GPBP1: variants seen among roughly 807,000 people sequenced by gnomAD.
GPBP1 encodes the protein GC-rich promoter binding protein 1, also known as vasculin.
A neutral mutation model predicts 56.5 loss-of-function variants in GPBP1; 13 were observed. The observed-to-expected ratio is 0.23, with a 90% CI of 0.15 to 0.37. The LOEUF (loss-of-function observed/expected upper bound fraction) is 0.37. Ranked by LOEUF, GPBP1 falls within the 10% of genes least tolerant of loss-of-function variation. The probability of loss-of-function intolerance (pLI) is 1.00; values close to 1 mark genes in which losing one functional copy is unlikely to be tolerated. For synonymous variants in GPBP1, 204 were observed against 188.9 expected, an observed-to-expected ratio of 1.08 and a Z score of -0.66; for missense variants, 477 against 572.3, an observed-to-expected ratio of 0.83 and a Z score of 1.70.
chr5:57,192,242 T>G (rs1025896348), intron 2 of GPBP1, among the ~76,000 whole-genome samples: 2 of 152,172 alleles, frequency 1.3e-5, no homozygotes, highest in Admixed American at 6.5e-5. Flanking sequence ...ATTTTTTTCT[T>G]TTAACTTGAC....
At chr5:57,201,613 G>A (rs1198146863) in intron 2 of GPBP1, among the ~76,000 whole-genome samples, 1 of 152,104 alleles carries the variant, frequency 6.6e-6, no homozygotes, top group African/African-American at 2.4e-5. Flanking sequence ...GAAACACCTA[G>A]GGTAGCCGAC....
At chr5:57,241,823 GTCT>G (rs1421519142) in intron 6 of GPBP1, among the ~76,000 whole-genome samples, 7 of 152,108 alleles carry the variant, frequency 4.6e-5, no homozygotes, top group East Asian at 1.9e-4. Context: ...AACATTTGGG[GTCT>G]TCTTCATATA....
chr5:57,179,536 C>G (rs978761991), intron 2 of GPBP1, among the ~76,000 whole-genome samples: 1 of 152,176 alleles, frequency 6.6e-6, no homozygotes, highest in African/African-American at 2.4e-5. Context: ...TCACCCATAG[C>G]CTGTTTCCAC....
rs1459559190 is a variant in GPBP1, at chr5:57,176,264, A to G, written c.-194A>G. The G allele has an allele frequency of 5.5e-6, 2 of 364,520 alleles. No individual in the cohort carries two copies. The highest frequency in any genetic ancestry group is 4.0e-5 in the East Asian group (1 of 25,050). The allele number at this position is 364,520 out of a possible 1,614,324, so 22.6% of individuals were successfully genotyped here. The stretch of plus-strand genomic sequence containing the variant: ...TGGGTAGCTGACTTGAAGTAACTCT[A>G]TGTCAAATAGTCGTAGGTTAAGTAT... On this transcript the variant is annotated 5_prime_UTR_variant, in exon 2 of 12. The change abolishes an upstream ATG in the 5' untranslated region. Transcript: ENST00000506184.
chr5:57,241,064 C>A (rs1460429391), intron 6 of GPBP1, among the ~76,000 whole-genome samples: 2 of 152,104 alleles, frequency 1.3e-5, no homozygotes. Context: ...TTGTTCAAAT[C>A]CAATAAATGA....
rs750553429 is a variant in GPBP1 at position 57,214,080 on chromosome 5, G to A, written c.-51G>A. The A allele has an allele frequency of 2.0e-6, 3 of 1,468,416 alleles. No individual in the cohort carries two copies. Among genetic ancestry groups the A allele is most frequent in the Non-Finnish European group, 2.9e-6 (3 of 1,047,488 alleles). The allele number at this position is 1,468,416 out of a possible 1,614,324, so 91.0% of individuals were successfully genotyped here. A position where few individuals can be genotyped will look rare whatever the true frequency, so the allele number is the denominator to read the frequency against. On this transcript the variant is annotated 5_prime_UTR_variant, in exon 3 of 12. Coordinates refer to ENST00000506184, the MANE Select transcript of GPBP1 (RefSeq NM_022913.4). ...TTCCATTTTTATGTGACAGGGACTTGCCATGAGGTGTTGAAGCCTTGTTTC... is the reference window on the plus strand; with the variant it reads ...TTCCATTTTTATGTGACAGGGACTTACCATGAGGTGTTGAAGCCTTGTTTC...
chr5:57,197,621 A>G (rs1471042582), intron 2 of GPBP1, among the ~76,000 whole-genome samples: 1 of 152,024 alleles, frequency 6.6e-6, no homozygotes, highest in Non-Finnish European at 1.5e-5. Flanking sequence ...AGCCTCTCAA[A>G]GTGCTGGGAT....
chr5:57,235,993 G>C lies in GPBP1; in HGVS notation c.439G>C (p.Glu147Gln). The C allele has an allele frequency of 6.2e-7, 1 of 1,611,742 alleles. No individual in the cohort carries two copies. The highest frequency in any genetic ancestry group is 1.7e-5 in the Admixed American group (1 of 59,956). The change falls in exon 6 of 12, where the codon GAA (glutamate) becomes CAA (glutamine). Residue 147 changes from glutamate (E) to glutamine (Q), a missense_variant. Around this residue, in one of 2 missense-constraint regions of GPBP1, gnomAD observed 414 missense variants for 458.2 expected, o/e 0.90. Transcript: ENST00000506184. Reference sequence around the variant, plus strand: ...GTCTTTAAATCCTGAGTATGAGAGAGAACCAAATCACAATAAGTCTTTAGC... The same window carrying C: ...GTCTTTAAATCCTGAGTATGAGAGACAACCAAATCACAATAAGTCTTTAGC... Reference protein sequence around the residue: ...FPSLNPEYEREPNHNKSLAAG... With the variant: ...FPSLNPEYERQPNHNKSLAAG...
chr5:57,174,385 C>T (rs894020474), intron 1 of GPBP1, among the ~76,000 whole-genome samples, 174 bp downstream of exon 1: 3 of 151,912 alleles, frequency 2.0e-5, no homozygotes, highest in Non-Finnish European at 2.9e-5. Flanking sequence ...CGCAGATAGG[C>T]CCCTCTAGGT....
intron 10 of GPBP1, among the ~76,000 whole-genome samples, 193 bp from the exon 11 acceptor site, chr5:57,260,987 C>CTT (rs1319678646): frequency 8.5e-5 from 13 of 152,266 alleles, no homozygotes; most frequent in African/African-American, 2.6e-4. Context: ...ATTTTAATAT[C>CTT]AGTTTATTAA....
chr5:57,199,642 C>G (rs1754912434), intron 2 of GPBP1, among the ~76,000 whole-genome samples: 1 of 151,952 alleles, frequency 6.6e-6, no homozygotes, highest in Non-Finnish European at 1.5e-5. Context: ...TGTGCTGCAC[C>G]CATTAACTCG....
chr5:57,215,392 T>C (rs996315316), intron 3 of GPBP1, among the ~76,000 whole-genome samples: 4 of 152,212 alleles, frequency 2.6e-5, no homozygotes, highest in African/African-American at 9.6e-5. Context: ...TCCCCATCTT[T>C]CTGTAAAGCT....
Position 57,263,585 on chromosome 5 carries a change from ATAT to A in GPBP1, c.*835_*837del, listed in dbSNP as rs886963068. ...ATGGAAAATAAACTGGATTTTCAGA[ATAT>A]TGTTGTTTTCTGTAGTGTTCAAGGT... is the stretch of plus-strand genomic sequence containing the variant. On this transcript the variant is annotated 3_prime_UTR_variant, in exon 12 of 12. Coordinates refer to ENST00000506184, the MANE Select transcript of GPBP1 (RefSeq NM_022913.4). 6 of 152,314 alleles carry A rather than the reference ATAT, an allele frequency of 3.9e-5. No homozygotes were observed. Among genetic ancestry groups the A allele is most frequent in the African/African-American group, 1.2e-4 (5 of 41,582 alleles). 9.4% of individuals were successfully genotyped at this position (152,314 alleles called of 1,614,324 possible).
intron 2 of GPBP1, among the ~76,000 whole-genome samples, chr5:57,210,789 T>C (rs1036337372): frequency 1.3e-5 from 2 of 152,218 alleles, no homozygotes; most frequent in African/African-American, 4.8e-5. Flanking sequence ...CCTCTCTCTT[T>C]GGCTTGTAAA....
At chr5:57,188,284 G>A (rs1754378273) in intron 2 of GPBP1, among the ~76,000 whole-genome samples, 1 of 151,678 alleles carries the variant, frequency 6.6e-6, no homozygotes, top group Non-Finnish European at 1.5e-5. Flanking sequence ...TTCCACTCTT[G>A]GGATAATACT....
At chr5:57,251,335 T>A (rs1007113137) in intron 10 of GPBP1, among the ~76,000 whole-genome samples, 194 bp downstream of exon 10, 3 of 152,242 alleles carry the variant, frequency 2.0e-5, no homozygotes, top group Non-Finnish European at 2.9e-5. Context: ...TCATTTGCAC[T>A]CTGTCCTAGG....
chr5:57,176,135 C>T lies in GPBP1; in HGVS notation c.-323C>T. 1 of 396,824 alleles carries T rather than the reference C, an allele frequency of 2.5e-6. No individual in the cohort carries two copies. Among genetic ancestry groups the T allele is most frequent in the Non-Finnish European group, 4.4e-6 (1 of 225,258 alleles). 24.6% of individuals were successfully genotyped at this position (396,824 alleles called of 1,614,324 possible). On this transcript the variant is annotated 5_prime_UTR_variant, in exon 2 of 12. Transcript: ENST00000506184. ...ATATTTCATCTGGAGTGGACAAGTA[C>T]AACAGTGGCAAGTACATGGAATAAT...
chr5:57,182,666 C>G (rs911115190), intron 2 of GPBP1, among the ~76,000 whole-genome samples: 1 of 151,692 alleles, frequency 6.6e-6, no homozygotes, highest in Non-Finnish European at 1.5e-5. Flanking sequence ...CCACCGCACT[C>G]GGCTTCTTCT....
intron 2 of GPBP1, among the ~76,000 whole-genome samples, chr5:57,200,806 C>G (rs552987849): frequency 8.5e-5 from 13 of 152,292 alleles, no homozygotes; most frequent in African/African-American, 3.1e-4. Flanking sequence ...CTCAGGCTAA[C>G]AAGTAGCTGG....
Sources: allele counts gnomAD v4.1 joint callset (sites outside exome capture counted in the v4.1 genomes callset), GRCh38; gene constraint gnomAD v4.1.1; regional missense constraint gnomAD v4.1.1; transcripts MANE v1.5; gene names NCBI Gene and HGNC (gene_info 2026-07-23, HGNC 2026-07-21).